Variants in STARD10 observed in about 807,000 individuals in gnomAD.
The protein encoded by STARD10 is START domain-containing protein 10.
In STARD10, 24 loss-of-function variants were observed where a neutral mutation model predicts 36.0. That is an observed-to-expected ratio of 0.67 (90% CI 0.48 to 0.94). STARD10 has a LOEUF of 0.94. Among genes scored for constraint, STARD10 ranks in the 40% least tolerant of loss-of-function variants. STARD10 has a pLI of 0.00. For missense variants in STARD10, 335 were observed against 396.6 expected, an observed-to-expected ratio of 0.84 and a Z score of 1.32; for synonymous variants, 156 against 161.9, an observed-to-expected ratio of 0.96 and a Z score of 0.28.
At chr11:72,769,658 C>T (rs1483204278) in intron 2 of STARD10, among the ~76,000 whole-genome samples, 1 of 152,008 alleles carries the variant, frequency 6.6e-6, no homozygotes, top group East Asian at 1.9e-4. Flanking sequence ...ATGTATTTTT[C>T]AATTCAGTTC....
At chr11:72,780,832 T>G (rs1858983787) in intron 2 of STARD10, 143 bp downstream of exon 2, 3 of 861,700 alleles carry the variant, frequency 3.5e-6, no homozygotes, top group Non-Finnish European at 5.5e-6. Context: ...CAGCAGACTG[T>G]GTCTCCTCCC....
rs761639628 is a variant in STARD10 at position 72,758,588 on chromosome 11, C to T, written c.401G>A (p.Arg134His). Residue 134 changes from arginine to histidine, a missense_variant, in exon 4 of 7, where the codon CGC (arginine) becomes CAC (histidine). Coordinates refer to ENST00000334805, the MANE Select transcript of STARD10 (RefSeq NM_006645.3). The stretch of plus-strand genomic sequence containing the variant: ...ATCAGCGCCCATGGGGAGCCAGGAG[C>T]GGAGGGTGATGACATCACGGTTCTT... ...PLKNRDVITL[R>H]SWLPMGADYI... The T allele has an allele frequency of 1.7e-5, 27 of 1,613,928 alleles. No individual in the cohort carries two copies. Among genetic ancestry groups the T allele is most frequent in the Non-Finnish European group, 1.8e-5 (21 of 1,180,002 alleles).
rs367628655 is a variant in STARD10, at chr11:72,754,891, C to A, written c.*6G>T. 1.1e-4 allele frequency: 168 copies of A among 1,595,190 alleles called. No homozygotes were observed. Among genetic ancestry groups the A allele is most frequent in the Non-Finnish European group, 1.3e-4 (154 of 1,177,168 alleles). ...TCCTGTCTCCGTCCCTGAAGCGGTG[C>A]GGCGCTCAGGTGAGCGAGGTGTCGT... On this transcript the variant is annotated 3_prime_UTR_variant, in exon 7 of 7. Transcript: ENST00000334805.
intron 5 of STARD10, among the ~76,000 whole-genome samples, chr11:72,757,210 T>C (rs1424490003): frequency 6.8e-6 from 1 of 147,734 alleles, no homozygotes; most frequent in African/African-American, 2.5e-5. Flanking sequence ...TGACCCCAAA[T>C]GATGGCAGGT....
intron 1 of STARD10, among the ~76,000 whole-genome samples, chr11:72,786,838 G>T (rs917538552): frequency 6.6e-6 from 1 of 152,150 alleles, no homozygotes; most frequent in South Asian, 2.1e-4. Context: ...CCAGTGCTTT[G>T]AGATGCTAAG....
At chr11:72,784,000 C>T (rs1274574444) in intron 1 of STARD10, among the ~76,000 whole-genome samples, 1 of 152,168 alleles carries the variant, frequency 6.6e-6, no homozygotes, top group Non-Finnish European at 1.5e-5. Context: ...GGGCTCATCC[C>T]CTGGGTCCTA....
intron 2 of STARD10, among the ~76,000 whole-genome samples, chr11:72,772,697 A>T (rs1018306303): frequency 6.6e-6 from 1 of 151,998 alleles, no homozygotes; most frequent in Non-Finnish European, 1.5e-5. Flanking sequence ...CATCAGGATA[A>T]AATCTAAACT....
rs779575137 is a variant in STARD10, at chr11:72,758,500, C to T, written c.459+30G>A. 1.5e-5 allele frequency: 24 copies of T among 1,584,868 alleles called. No homozygotes were observed. In the Admixed American group the frequency reaches 3.3e-4, roughly 22 times the overall value. On this transcript the variant is annotated intron_variant, in intron 4 of 6. Transcript: ENST00000334805. The stretch of plus-strand genomic sequence containing the variant: ...TTGCGCTGCCTGACCCTCTCCCCTG[C>T]TCCACCGCAGGGAAGGCAGGTTGAC...
chr11:72,767,154 G>A (rs1207431010), intron 2 of STARD10, among the ~76,000 whole-genome samples: 2 of 152,170 alleles, frequency 1.3e-5, no homozygotes, highest in Non-Finnish European at 2.9e-5. Context: ...ATGGGGTGGG[G>A]CACAAAGTAT....
chr11:72,774,416 T>C (rs993583512), intron 2 of STARD10, among the ~76,000 whole-genome samples: 1 of 152,204 alleles, frequency 6.6e-6, no homozygotes, highest in Non-Finnish European at 1.5e-5. Flanking sequence ...CCGTGCCACC[T>C]GCCCCAGGCT....
chr11:72,761,091 G>C (rs1424091450), intron 2 of STARD10, among the ~76,000 whole-genome samples: 2 of 152,072 alleles, frequency 1.3e-5, no homozygotes, highest in Non-Finnish European at 2.9e-5. Context: ...ACACCTGCTA[G>C]CTATTCTAGG....
At position 72,773,627 on chromosome 11, in the gene STARD10, G is replaced by C. The variant is rs148430919; in HGVS notation, c.207+7348C>G. ...CCGGGGCTGTCACGTGGGTAGGAAG[G>C]GGGGAGATGGGAAACCCAGCACCTG... On this transcript the variant is annotated intron_variant, in intron 2 of 6. Transcript: ENST00000334805. 8.4e-4 allele frequency among the ~76,000 whole-genome samples: 128 copies of C among 152,294 alleles called. 1 individual carries two copies. Among genetic ancestry groups the C allele is most frequent in the Non-Finnish European group, 1.4e-3 (96 of 68,030 alleles).
Position 72,780,114 on chromosome 11 carries a change from G to A in STARD10, c.207+861C>T, listed in dbSNP as rs1443745829. On this transcript the variant is annotated intron_variant, in intron 2 of 6. Coordinates refer to ENST00000334805, the MANE Select transcript of STARD10 (RefSeq NM_006645.3). ...CAGCCCTGGAAATGCAGCACCCACA[G>A]CAACATCAGATGTGTTGGGGGCAGC... The A allele has an allele frequency of 7.3e-6, 3 of 408,854 alleles. No homozygotes were observed. In the Admixed American group the frequency reaches 8.1e-5, roughly 11 times the overall value. 25.3% of individuals were successfully genotyped at this position (408,854 alleles called of 1,614,324 possible). A position where few individuals can be genotyped will look rare whatever the true frequency, so the allele number is the denominator to read the frequency against.
At chr11:72,792,041 ATTTTTTTTTTTT>A (rs869068929) in intron 1 of STARD10, among the ~76,000 whole-genome samples, 1 of 38,770 alleles carries the variant, frequency 2.6e-5, no homozygotes, top group Non-Finnish European at 4.4e-5. Flanking sequence ...CACCTGGCTA[ATTTTTTTTTTTT>A]TTTTTTTTTT....
chr11:72,783,766 C>T (rs1194202810), intron 1 of STARD10, among the ~76,000 whole-genome samples: 1 of 152,092 alleles, frequency 6.6e-6, no homozygotes, highest in African/African-American at 2.4e-5. Context: ...ACCTCTCATA[C>T]CCACCATCCA....
At chr11:72,787,813 A>G (rs1859093328) in intron 1 of STARD10, among the ~76,000 whole-genome samples, 1 of 152,234 alleles carries the variant, frequency 6.6e-6, no homozygotes, top group Non-Finnish European at 1.5e-5. Flanking sequence ...AAGGTGGGCA[A>G]GAACTCCAGC....
At chr11:72,775,504 T>C (rs1858919166) in intron 2 of STARD10, among the ~76,000 whole-genome samples, 1 of 152,106 alleles carries the variant, frequency 6.6e-6, no homozygotes, top group Admixed American at 6.5e-5. Flanking sequence ...CTCTGGGCCT[T>C]TGCACAGCTG....
At chr11:72,791,378 A>C (rs1859141633) in intron 1 of STARD10, among the ~76,000 whole-genome samples, 1 of 152,180 alleles carries the variant, frequency 6.6e-6, no homozygotes, top group Non-Finnish European at 1.5e-5. Context: ...GTCGTAGTCC[A>C]GTTCTACCCC....
chr11:72,754,872 CTCCGT>C lies in STARD10; in HGVS notation c.*20_*24del. 6.3e-7 allele frequency: 1 copy of C among 1,583,382 alleles called. No individual in the cohort carries two copies. The highest frequency in any genetic ancestry group is 8.5e-7 in the Non-Finnish European group (1 of 1,173,974). ...CGCCCCAGGGCTCGCCCGGTCCTGT[CTCCGT>C]CCCTGAAGCGGTGCGGCGCTCAGGT... On this transcript the variant is annotated 3_prime_UTR_variant, in exon 7 of 7. Coordinates refer to ENST00000334805, the MANE Select transcript of STARD10 (RefSeq NM_006645.3).
Sources: gnomAD v4.1 joint callset for allele counts (sites outside exome capture counted in the v4.1 genomes callset) on GRCh38, gnomAD v4.1.1 for gene constraint, MANE v1.5 for transcripts, NCBI Gene and HGNC (gene_info 2026-07-23, HGNC 2026-07-21) for gene names.